The following PTPRD variants were observed in gnomAD, a reference collection of about 807,000 sequenced individuals.
The protein encoded by PTPRD is receptor-type tyrosine-protein phosphatase delta.
Under a neutral mutation model 214.5 loss-of-function variants are expected in PTPRD, and 34 were observed. The ratio of observed to expected loss-of-function variants is 0.16; its 90% CI spans 0.12 to 0.21. The LOEUF (loss-of-function observed/expected upper bound fraction) is 0.21. Among genes scored for constraint, PTPRD ranks in the 10% least tolerant of loss-of-function variants. The pLI is 1.00. For synonymous variants in PTPRD, 1,128 were observed against 845.7 expected (o/e 1.33, Z -5.79); for missense variants, 2,545 against 2,398.7 (o/e 1.06, Z -1.27).
At chr9:9,683,955 T>G (rs944058441) in intron 7 of PTPRD, among the ~76,000 whole-genome samples, 3 of 151,636 alleles carry the variant, frequency 2.0e-5, no homozygotes, top group Non-Finnish European at 1.5e-5. Context: ...TGATCAACAT[T>G]CATGTCCTTG....
intron 10 of PTPRD, among the ~76,000 whole-genome samples, chr9:9,055,471 G>T (rs1400816071): frequency 6.6e-6 from 1 of 151,972 alleles, no homozygotes; most frequent in Non-Finnish European, 1.5e-5. Context: ...AAGTGCCCTC[G>T]TGAAAATACC....
intron 11 of PTPRD, among the ~76,000 whole-genome samples, chr9:8,794,117 C>G (rs1354048621): frequency 6.6e-6 from 1 of 151,234 alleles, no homozygotes; most frequent in Admixed American, 6.6e-5. Context: ...AGGACAGCAG[C>G]AATGCATTTT....
At chr9:10,121,583 G>A (rs1032863022) in intron 3 of PTPRD, among the ~76,000 whole-genome samples, 7 of 152,134 alleles carry the variant, frequency 4.6e-5, no homozygotes, top group African/African-American at 1.4e-4. Context: ...TGATGGCATC[G>A]TTAAGAGTTA....
At chr9:9,650,254 G>T (rs1474579853) in intron 7 of PTPRD, among the ~76,000 whole-genome samples, 1 of 152,078 alleles carries the variant, frequency 6.6e-6, no homozygotes, top group African/African-American at 2.4e-5. Context: ...AGCTTCCTGA[G>T]GCCTCCCCAG....
intron 11 of PTPRD, among the ~76,000 whole-genome samples, chr9:8,767,187 G>A (rs2094821658): frequency 6.6e-6 from 1 of 151,808 alleles, no homozygotes; most frequent in Non-Finnish European, 1.5e-5. Flanking sequence ...GCACGATCTT[G>A]GCTCACCGCA....
intron 5 of PTPRD, among the ~76,000 whole-genome samples, chr9:9,844,822 A>G (rs2059109791): frequency 6.6e-6 from 1 of 151,568 alleles, no homozygotes; most frequent in African/African-American, 2.4e-5. Flanking sequence ...AATGTTCAAA[A>G]TTTAAAAAGT....
chr9:9,700,737 G>A (rs1261612654), intron 7 of PTPRD, among the ~76,000 whole-genome samples: 2 of 151,458 alleles, frequency 1.3e-5, no homozygotes, highest in Admixed American at 6.6e-5. Context: ...TTATAAAATG[G>A]TCTTGTTTTC....
At chr9:9,284,834 A>C (rs1356673457) in intron 9 of PTPRD, among the ~76,000 whole-genome samples, 1 of 151,714 alleles carries the variant, frequency 6.6e-6, no homozygotes, top group Non-Finnish European at 1.5e-5. Context: ...TTTTCTACCA[A>C]ATGTGGACAA....
intron 3 of PTPRD, among the ~76,000 whole-genome samples, chr9:10,232,306 T>C (rs2099614255): frequency 6.6e-6 from 1 of 151,926 alleles, no homozygotes; most frequent in African/African-American, 2.4e-5. Flanking sequence ...ATAACTGAAA[T>C]GATCCACTAA....
intron 8 of PTPRD, among the ~76,000 whole-genome samples, chr9:9,436,368 G>A (rs2143853053): frequency 6.6e-6 from 1 of 152,046 alleles, no homozygotes; most frequent in East Asian, 1.9e-4. Flanking sequence ...CCCTTCTTAG[G>A]CTCTGCTTCT....
chr9:9,873,534 C>G (rs1409843781), intron 5 of PTPRD, among the ~76,000 whole-genome samples: 1 of 151,896 alleles, frequency 6.6e-6, no homozygotes, highest in Non-Finnish European at 1.5e-5. Context: ...TAATTTACCA[C>G]AGAGTCCAAG....
intron 3 of PTPRD, among the ~76,000 whole-genome samples, chr9:10,304,259 A>T (rs1186409633): frequency 6.6e-6 from 1 of 152,228 alleles, no homozygotes. Flanking sequence ...GACGGAATGT[A>T]TCTCAAAATA....
At chr9:8,417,344 G>A (rs917641712) in intron 35 of PTPRD, among the ~76,000 whole-genome samples, 24 of 152,166 alleles carry the variant, frequency 1.6e-4, no homozygotes, top group African/African-American at 5.5e-4. Context: ...AAATTCTGCG[G>A]GAAAAGAGAG....
At chr9:8,870,900 G>C (rs1249476181) in intron 11 of PTPRD, among the ~76,000 whole-genome samples, 1 of 152,124 alleles carries the variant, frequency 6.6e-6, no homozygotes, top group East Asian at 1.9e-4. Context: ...TTGGGAAAAG[G>C]ACACAGGCAG....
At chr9:9,408,803 A>C (rs2074417155) in intron 8 of PTPRD, among the ~76,000 whole-genome samples, 1 of 151,866 alleles carries the variant, frequency 6.6e-6, no homozygotes, top group Non-Finnish European at 1.5e-5. Flanking sequence ...CATCCCTCAT[A>C]CTGTCTGGCA....
At chr9:8,858,818 C>CACACACACAT (rs1213694606) in intron 11 of PTPRD, among the ~76,000 whole-genome samples, 1 of 146,538 alleles carries the variant, frequency 6.8e-6, no homozygotes, top group South Asian at 2.1e-4. Flanking sequence ...CACACACACA[C>CACACACACAT]ACACACACAC....
At chr9:10,442,806 T>G (rs75482410) in intron 2 of PTPRD, among the ~76,000 whole-genome samples, 1 of 151,470 alleles carries the variant, frequency 6.6e-6, no homozygotes, top group African/African-American at 2.4e-5. Context: ...TATGGTCCTA[T>G]TTTTGCTTGT....
intron 7 of PTPRD, among the ~76,000 whole-genome samples, chr9:9,683,571 T>C (rs1429094816): frequency 6.6e-6 from 1 of 151,658 alleles, no homozygotes; most frequent in Non-Finnish European, 1.5e-5. Context: ...AGTTTGCTTT[T>C]GGAAAGGAAA....
chr9:10,267,612 G>A (rs552052052), intron 3 of PTPRD, among the ~76,000 whole-genome samples: 12 of 152,182 alleles, frequency 7.9e-5, no homozygotes, highest in Non-Finnish European at 1.5e-4. Context: ...TTTTTGGACT[G>A]GAATATAAAT....
Sources: allele counts gnomAD v4.1 joint callset (sites outside exome capture counted in the v4.1 genomes callset), GRCh38; gene constraint gnomAD v4.1.1; transcripts MANE v1.5; gene names NCBI Gene and HGNC (gene_info 2026-07-23, HGNC 2026-07-21).